Variants in CNNM1 observed in about 807,000 individuals in gnomAD.
The protein encoded by CNNM1 is metal transporter CNNM1.
A neutral mutation model predicts 78.8 loss-of-function variants in CNNM1; 44 were observed. The observed-to-expected ratio is 0.56, with a 90% CI of 0.44 to 0.72. The LOEUF is 0.72. CNNM1 is among the 30% of genes least tolerant of loss of function. The pLI is 0.00. For missense variants in CNNM1, 1,101 were observed against 1,292.2 expected (o/e 0.85, Z 2.27); for synonymous variants, 584 against 581.5 (o/e 1.00, Z -0.06).
chr10:99,383,113 A>G (rs2032206715), intron 7 of CNNM1, among the ~76,000 whole-genome samples: 1 of 152,228 alleles, frequency 6.6e-6, no homozygotes, highest in South Asian at 2.1e-4. Context: ...GAGCTATACT[A>G]CAGAAATATA....
intron 2 of CNNM1, 122 bp downstream of exon 2, chr10:99,357,777 A>G: frequency 2.2e-6 from 2 of 906,908 alleles, no homozygotes; most frequent in Non-Finnish European, 3.1e-6. Flanking sequence ...GATGTGTGTC[A>G]GCCACCTATG....
rs1311718739 is a variant in CNNM1, at chr10:99,356,550, C to CAGAAAGAA, written c.1574-959_1574-958insAAGAAAGA. ...AAAGAAAGAAAGAAAGACAGACAGA[C>CAGAAAGAA]AGACAGACAGACAGAAAGAAAGAAA... On this transcript the variant is annotated intron_variant, in intron 1 of 10. Transcript: ENST00000356713. Among the ~76,000 whole-genome samples, 364 of 41,630 alleles carry CAGAAAGAA rather than the reference C, an allele frequency of 8.7e-3. 3 individuals are homozygous for CAGAAAGAA. The highest frequency in any genetic ancestry group is 0.016 in the African/African-American group (329 of 20,324). 27.3% of individuals were successfully genotyped at this position (41,630 alleles called of 152,430 possible).
intron 1 of CNNM1, among the ~76,000 whole-genome samples, chr10:99,333,696 G>A (rs955313578): frequency 1.3e-5 from 2 of 152,152 alleles, no homozygotes; most frequent in Non-Finnish European, 2.9e-5. Flanking sequence ...AAGGGAGACA[G>A]GAAGACTGTC....
rs1003644667 is a variant in CNNM1 at position 99,343,552 on chromosome 10, C to A, written c.1573+12592C>A. On this transcript the variant is annotated intron_variant, in intron 1 of 10. Coordinates refer to ENST00000356713, the MANE Select transcript of CNNM1 (RefSeq NM_020348.3). ...CTCAATGTTAGTGACAGAGGTGGAA[C>A]CAGAACTCACATGTCTGACTTGCCA... Among the ~76,000 whole-genome samples the A allele has an allele frequency of 2.0e-5, 3 of 152,118 alleles. No individual in the cohort carries two copies. In the East Asian group the frequency reaches 5.8e-4, roughly 29 times the overall value.
chr10:99,388,417 C>T, intron 9 of CNNM1, 116 bp downstream of exon 9: 8 of 1,138,758 alleles, frequency 7.0e-6, no homozygotes, highest in South Asian at 1.6e-5. Flanking sequence ...GTGCGTTAAA[C>T]CTCCGACCTC....
chr10:99,386,974 T>TC (rs1206248046), intron 7 of CNNM1, among the ~76,000 whole-genome samples: 13 of 152,078 alleles, frequency 8.5e-5, no homozygotes, highest in African/African-American at 4.8e-5. Context: ...TTTCCCTTCT[T>TC]CCCCCAGTGC....
intron 7 of CNNM1, among the ~76,000 whole-genome samples, chr10:99,383,661 T>A (rs1366506215): frequency 6.6e-6 from 1 of 152,172 alleles, no homozygotes; most frequent in Non-Finnish European, 1.5e-5. Flanking sequence ...AGGGACACCC[T>A]TAAACAGGTA....
At chr10:99,360,806 G>A (rs911586535) in intron 2 of CNNM1, 29 bp from the exon 3 acceptor site, 1 of 1,569,168 alleles carries the variant, frequency 6.4e-7, no homozygotes, top group African/African-American at 1.4e-5. Flanking sequence ...TTCTGAGATA[G>A]CTGTAATCTG....
chr10:99,349,816 C>T (rs2030865427), intron 1 of CNNM1, among the ~76,000 whole-genome samples: 3 of 152,246 alleles, frequency 2.0e-5, no homozygotes, highest in Middle Eastern at 3.4e-3. Context: ...CTGGCTAACA[C>T]GGTGAAACCC....
At chr10:99,378,049 C>T (rs1200320038) in intron 7 of CNNM1, among the ~76,000 whole-genome samples, 1 of 150,082 alleles carries the variant, frequency 6.7e-6, no homozygotes, top group East Asian at 2.0e-4. Flanking sequence ...CTGCAACCTC[C>T]ATCTCCCAGG....
At chr10:99,331,727 G>A (rs1008886668) in intron 1 of CNNM1, among the ~76,000 whole-genome samples, 4 of 152,122 alleles carry the variant, frequency 2.6e-5, no homozygotes, top group African/African-American at 9.7e-5. Context: ...CTTTGCCCGG[G>A]GGGGAGGGAA....
At chr10:99,377,569 A>G (rs1016230705) in intron 7 of CNNM1, among the ~76,000 whole-genome samples, 16 of 152,188 alleles carry the variant, frequency 1.1e-4, no homozygotes, top group African/African-American at 3.9e-4. Context: ...GGTTTTTCTA[A>G]GATAAGATTT....
intron 6 of CNNM1, among the ~76,000 whole-genome samples, chr10:99,373,760 T>C (rs2031880383): frequency 6.6e-6 from 1 of 152,188 alleles, no homozygotes; most frequent in African/African-American, 2.4e-5. Flanking sequence ...CTATGTCCAC[T>C]TGTACATATT....
chr10:99,382,968 G>GT (rs1357965196), intron 7 of CNNM1, among the ~76,000 whole-genome samples: 1 of 152,328 alleles, frequency 6.6e-6, no homozygotes, highest in East Asian at 1.9e-4. Flanking sequence ...AACTAAAGCT[G>GT]TTGCTAATAA....
At chr10:99,333,244 G>A (rs1482019107) in intron 1 of CNNM1, among the ~76,000 whole-genome samples, 1 of 152,200 alleles carries the variant, frequency 6.6e-6, no homozygotes, top group Non-Finnish European at 1.5e-5. Context: ...AAAACTGATA[G>A]TTAAGATACA....
intron 7 of CNNM1, among the ~76,000 whole-genome samples, chr10:99,381,514 G>C (rs1255140541): frequency 1.3e-5 from 2 of 152,092 alleles, no homozygotes; most frequent in East Asian, 3.9e-4. Context: ...GGCTGAGGCA[G>C]GCAGATCACT....
In CNNM1 at chr10:99,330,001, T is replaced by A; in HGVS notation, c.614T>A (p.Leu205Gln). 2 of 1,405,396 alleles carry A rather than the reference T, an allele frequency of 1.4e-6. No homozygotes were observed. Among genetic ancestry groups the A allele is most frequent in the Non-Finnish European group, 9.2e-7 (1 of 1,091,738 alleles). The allele number at this position is 1,405,396 out of a possible 1,614,324, so 87.1% of individuals were successfully genotyped here. ...CACGGCGCCGCCGGCGGCTTCCTGCTGCGCGTTCGCCCGCGGTTGTACGGC... is the reference window on the plus strand; with the variant it reads ...CACGGCGCCGCCGGCGGCTTCCTGCAGCGCGTTCGCCCGCGGTTGTACGGC... ...HHHGAAGGFL[L>Q]RVRPRLYGPG... The change falls in exon 1 of 11, where the codon CTG (leucine) becomes CAG (glutamine). Residue 205 changes from leucine (L) to glutamine (Q), a missense_variant. Leu to Gln is a moderately radical substitution (Grantham distance 113). Coordinates refer to ENST00000356713, the MANE Select transcript of CNNM1 (RefSeq NM_020348.3).
chr10:99,391,253 C>T (rs1448357157), intron 10 of CNNM1, among the ~76,000 whole-genome samples, 184 bp from the exon 11 acceptor site: 1 of 152,244 alleles, frequency 6.6e-6, no homozygotes, highest in Non-Finnish European at 1.5e-5. Flanking sequence ...AAAGTACGTC[C>T]TAATCTTTCA....
chr10:99,343,026 C>G (rs1264066990), intron 1 of CNNM1, among the ~76,000 whole-genome samples: 1 of 151,828 alleles, frequency 6.6e-6, no homozygotes, highest in African/African-American at 2.4e-5. Context: ...AGTGCAGTGG[C>G]ACAATCTCGG....
Sources: allele counts gnomAD v4.1 joint callset (sites outside exome capture counted in the v4.1 genomes callset), GRCh38; gene constraint gnomAD v4.1.1; transcripts MANE v1.5; gene names NCBI Gene and HGNC (gene_info 2026-07-23, HGNC 2026-07-21).